The following MAP7 variants were observed in gnomAD, a reference collection of about 807,000 sequenced individuals.
MAP7 encodes microtubule associated protein 7, also known as ensconsin.
In MAP7, 52 loss-of-function variants were observed where a neutral mutation model predicts 94.8. The observed-to-expected ratio is 0.55, with a 90% CI of 0.44 to 0.69. The LOEUF (loss-of-function observed/expected upper bound fraction) is 0.69, where lower values mean the gene tolerates loss of function less well. Among genes scored for constraint, MAP7 ranks in the 30% least tolerant of loss-of-function variants. The pLI is 0.00. For missense variants in MAP7, 940 were observed against 964.6 expected, an observed-to-expected ratio of 0.97 and a Z score of 0.34; for synonymous variants, 350 against 357.0, an observed-to-expected ratio of 0.98 and a Z score of 0.22.
chr6:136,496,680 C>G (rs1818313113), intron 1 of MAP7, among the ~76,000 whole-genome samples: 1 of 150,948 alleles, frequency 6.6e-6, no homozygotes. Context: ...TAGCTCACAC[C>G]TGTAATTCCA....
chr6:136,460,319 G>A (rs188491016), intron 1 of MAP7, among the ~76,000 whole-genome samples: 65 of 152,222 alleles, frequency 4.3e-4, no homozygotes, highest in African/African-American at 1.5e-3. Flanking sequence ...GGGAATACAT[G>A]AAAATTGCTA....
intron 3 of MAP7, 89 bp from the exon 4 acceptor site, chr6:136,389,606 C>T (rs929040822): frequency 2.5e-6 from 3 of 1,184,810 alleles, no homozygotes; most frequent in Non-Finnish European, 3.6e-6. Flanking sequence ...ATTAAGTGGT[C>T]TACAATGAAC....
chr6:136,537,059 A>G (rs780794760), intron 1 of MAP7, among the ~76,000 whole-genome samples: 1 of 151,538 alleles, frequency 6.6e-6, no homozygotes, highest in Non-Finnish European at 1.5e-5. Flanking sequence ...GTCCTGCAAC[A>G]CTCTCACAAT....
chr6:136,378,100 T>C (rs1744176431), intron 6 of MAP7, among the ~76,000 whole-genome samples: 1 of 152,204 alleles, frequency 6.6e-6, no homozygotes, highest in South Asian at 2.1e-4. Context: ...AAATTAGTTT[T>C]ACAGATGCAA....
At chr6:136,459,127 G>A (rs906878237) in intron 1 of MAP7, among the ~76,000 whole-genome samples, 3 of 152,122 alleles carry the variant, frequency 2.0e-5, no homozygotes, top group African/African-American at 7.2e-5. Context: ...ACATACAAAT[G>A]GCCAACAGGT....
intron 1 of MAP7, among the ~76,000 whole-genome samples, chr6:136,489,948 C>T (rs1413085268): frequency 6.6e-6 from 1 of 152,168 alleles, no homozygotes; most frequent in Non-Finnish European, 1.5e-5. Flanking sequence ...TCATAAGACA[C>T]TTGTGAACTG....
chr6:136,356,873 T>A, intron 15 of MAP7, 79 bp from the exon 16 acceptor site: 1 of 1,102,650 alleles, frequency 9.1e-7, no homozygotes, highest in African/African-American at 1.5e-5. Flanking sequence ...CCAGAATGCC[T>A]TGATTTATGT....
At chr6:136,420,416 C>G in intron 2 of MAP7, 1 of 520,540 alleles carries the variant, frequency 1.9e-6, no homozygotes, top group Non-Finnish European at 3.4e-6. Context: ...ACCAGGTCCA[C>G]TTCTGCCAAC....
intron 10 of MAP7, 27 bp from the exon 11 acceptor site, chr6:136,362,729 C>G (rs374539998): frequency 8.6e-5 from 132 of 1,527,572 alleles, no homozygotes; most frequent in Middle Eastern, 3.5e-4. Context: ...AAGGAGAAAA[C>G]CAGTTGGAAA....
Position 136,383,724 on chromosome 6 carries a change from A to G in MAP7, c.584T>C (p.Ile195Thr). Reference protein sequence around the residue: ...MNLSKYVDPVISKRLSSSSAT... With the variant: ...MNLSKYVDPVTSKRLSSSSAT... ...AGATGAAGAGGAGAGCCGCTTGCTAATGACGGGATCAACATATTTCGAAAG... is the reference window on the plus strand; with the variant it reads ...AGATGAAGAGGAGAGCCGCTTGCTAGTGACGGGATCAACATATTTCGAAAG... Residue 195 changes from isoleucine (I) to threonine (T), a missense_variant, in exon 6 of 18, where the codon ATT becomes ACT. By Grantham distance (89) the Ile-to-Thr change is moderately conservative. Transcript: ENST00000354570. 1 of 1,611,684 alleles carries G rather than the reference A, an allele frequency of 6.2e-7. No homozygotes were observed. Among genetic ancestry groups the G allele is most frequent in the African/African-American group, 1.3e-5 (1 of 74,940 alleles).
intron 1 of MAP7, among the ~76,000 whole-genome samples, chr6:136,460,079 A>C (rs934423374): frequency 2.0e-5 from 3 of 152,102 alleles, no homozygotes; most frequent in South Asian, 2.1e-4. Context: ...ACTTAACAAA[A>C]TGTTGTAAGA....
At chr6:136,402,854 C>T (rs1784490665) in intron 3 of MAP7, among the ~76,000 whole-genome samples, 1 of 130,986 alleles carries the variant, frequency 7.6e-6, no homozygotes, top group Admixed American at 9.2e-5. Flanking sequence ...TGCAGTGAGC[C>T]GAGATAGCGC....
At chr6:136,502,157 C>A (rs1191342963) in intron 1 of MAP7, among the ~76,000 whole-genome samples, 3 of 152,182 alleles carry the variant, frequency 2.0e-5, no homozygotes, top group Non-Finnish European at 4.4e-5. Flanking sequence ...TACCAAAAGC[C>A]ATTTTAAAAG....
chr6:136,492,040 T>A (rs1270742286), intron 1 of MAP7, among the ~76,000 whole-genome samples: 1 of 152,156 alleles, frequency 6.6e-6, no homozygotes, highest in East Asian at 1.9e-4. Context: ...AAGAAGGTGA[T>A]TAGGACATGT....
At position 136,424,903 on chromosome 6, in the gene MAP7, C is replaced by A. The variant is rs140790775; in HGVS notation, c.68-3104G>T. On this transcript the variant is annotated intron_variant, in intron 1 of 17. Transcript: ENST00000354570. ...TTTCAGTCACTCTTTTTAATAAAAT[C>A]TGGAATGTGGGCTGTGAAACAGCAA... Among the ~76,000 whole-genome samples the A allele has an allele frequency of 3.8e-3, 578 of 152,320 alleles. 4 individuals carry two copies. Among genetic ancestry groups the A allele is most frequent in the African/African-American group, 0.013 (556 of 41,556 alleles).
chr6:136,465,353 C>G (rs895601683), intron 1 of MAP7, among the ~76,000 whole-genome samples: 1 of 152,094 alleles, frequency 6.6e-6, no homozygotes, highest in Non-Finnish European at 1.5e-5. Context: ...ACTGAGTAAC[C>G]TCTATTTCAT....
chr6:136,367,976 A>T (rs1167635459), intron 8 of MAP7, among the ~76,000 whole-genome samples: 1 of 151,910 alleles, frequency 6.6e-6, no homozygotes, highest in Non-Finnish European at 1.5e-5. Context: ...ACAATTTTTG[A>T]TGTGGCGTGG....
chr6:136,426,834 T>C (rs1279173025), intron 1 of MAP7, among the ~76,000 whole-genome samples: 2 of 152,240 alleles, frequency 1.3e-5, no homozygotes, highest in Non-Finnish European at 2.9e-5. Flanking sequence ...CACTGAAGTA[T>C]ATATCACATG....
intron 5 of MAP7, among the ~76,000 whole-genome samples, chr6:136,386,469 A>C (rs1779219122): frequency 6.6e-6 from 1 of 152,188 alleles, no homozygotes; most frequent in Admixed American, 6.5e-5. Context: ...TTGAGTGTGG[A>C]GGCAAAAAAT....
Sources: allele counts gnomAD v4.1 joint callset (sites outside exome capture counted in the v4.1 genomes callset), GRCh38; gene constraint gnomAD v4.1.1; transcripts MANE v1.5; gene names NCBI Gene and HGNC (gene_info 2026-07-23, HGNC 2026-07-21).